RBFOX1: variants seen among roughly 807,000 people sequenced by gnomAD.
RBFOX1 encodes RNA binding protein fox-1 homolog 1.
In RBFOX1, 8 loss-of-function variants were observed where a neutral mutation model predicts 57.7. The observed-to-expected ratio is 0.14, with a 90% CI of 0.08 to 0.25. The LOEUF (loss-of-function observed/expected upper bound fraction) is 0.25, where lower values mean the gene tolerates loss of function less well. Ranked by LOEUF, RBFOX1 falls within the 10% of genes least tolerant of loss-of-function variation. RBFOX1 has a pLI of 1.00. For missense variants in RBFOX1, 611 were observed against 548.5 expected, an observed-to-expected ratio of 1.11 and a Z score of -1.14; for synonymous variants, 326 against 222.4, an observed-to-expected ratio of 1.47 and a Z score of -4.15.
chr16:6,786,892 C>G (rs919956976), intron 3 of RBFOX1, among the ~76,000 whole-genome samples: 2 of 117,176 alleles, frequency 1.7e-5, no homozygotes, highest in African/African-American at 7.6e-5. Context: ...GCTTAGCCGG[C>G]AGGCTTTTTT....
intron 5 of RBFOX1, among the ~76,000 whole-genome samples, chr16:7,571,119 G>A (rs1028630137): frequency 2.0e-5 from 3 of 152,138 alleles, no homozygotes; most frequent in Admixed American, 6.5e-5. Context: ...TAATGCATGC[G>A]GGGCTTATTA....
chr16:6,754,905 C>G (rs2075544734), intron 3 of RBFOX1, among the ~76,000 whole-genome samples: 1 of 151,698 alleles, frequency 6.6e-6, no homozygotes, highest in African/African-American at 2.4e-5. Flanking sequence ...CTTGCTGTGT[C>G]CATGTGTTCT....
At chr16:5,649,395 C>A (rs1480078872) in intron 3 of RBFOX1, among the ~76,000 whole-genome samples, 1 of 152,120 alleles carries the variant, frequency 6.6e-6, no homozygotes, top group Non-Finnish European at 1.5e-5. Flanking sequence ...GTCTTGAACT[C>A]CTGACCTCAG....
chr16:7,181,168 G>A (rs973540181), intron 4 of RBFOX1, among the ~76,000 whole-genome samples: 17 of 152,062 alleles, frequency 1.1e-4, no homozygotes, highest in African/African-American at 3.1e-4. Flanking sequence ...ACGGCCTTGT[G>A]GTTCAAAGAC....
chr16:7,374,788 C>T (rs759667425), intron 4 of RBFOX1, among the ~76,000 whole-genome samples: 6 of 152,180 alleles, frequency 3.9e-5, no homozygotes, highest in Non-Finnish European at 7.3e-5. Flanking sequence ...TCCTGGCAAC[C>T]TAGAGTTACC....
chr16:6,248,822 A>G (rs1023211274), intron 1 of RBFOX1, among the ~76,000 whole-genome samples: 2 of 152,154 alleles, frequency 1.3e-5, no homozygotes, highest in African/African-American at 4.8e-5. Context: ...CCATAGCCAC[A>G]TGCATTAGCT....
chr16:6,561,736 G>C (rs2097181827), intron 2 of RBFOX1, among the ~76,000 whole-genome samples: 1 of 152,118 alleles, frequency 6.6e-6, no homozygotes, highest in Admixed American at 6.5e-5. Context: ...TTTAAATACT[G>C]TAATTTAATT....
intron 4 of RBFOX1, among the ~76,000 whole-genome samples, chr16:7,270,734 C>T (rs1440870797): frequency 6.6e-6 from 1 of 152,204 alleles, no homozygotes; most frequent in Non-Finnish European, 1.5e-5. Context: ...TAATTGACTG[C>T]ATCTGATTAA....
chr16:7,083,337 A>G (rs116890169), intron 4 of RBFOX1, among the ~76,000 whole-genome samples: 7 of 151,880 alleles, frequency 4.6e-5, no homozygotes, highest in Admixed American at 4.6e-4. Flanking sequence ...GGCGAATCTC[A>G]TTCCTTGCAG....
intron 1 of RBFOX1, among the ~76,000 whole-genome samples, chr16:5,372,918 C>G (rs12932645): frequency 1.4e-3 from 210 of 152,298 alleles, no homozygotes; most frequent in African/African-American, 4.7e-3. Flanking sequence ...TTCTCTTGGT[C>G]TTCTGAAGAC....
chr16:7,550,922 C>T (rs2086203783), intron 5 of RBFOX1, among the ~76,000 whole-genome samples: 2 of 151,736 alleles, frequency 1.3e-5, no homozygotes, highest in East Asian at 3.9e-4. Flanking sequence ...GGTGAAACCC[C>T]AGTTCTACTA....
At chr16:6,855,017 G>T (rs1159945167) in intron 3 of RBFOX1, among the ~76,000 whole-genome samples, 1 of 151,954 alleles carries the variant, frequency 6.6e-6, no homozygotes, top group African/African-American at 2.4e-5. Flanking sequence ...GCCACCTAAG[G>T]ACAATGTTTC....
intron 2 of RBFOX1, among the ~76,000 whole-genome samples, chr16:6,516,038 C>G (rs191642580): frequency 6.6e-6 from 1 of 152,014 alleles, no homozygotes; most frequent in Non-Finnish European, 1.5e-5. Context: ...GAGTCTTGCT[C>G]TGTATCCCAG....
At chr16:5,515,376 A>G (rs74004361) in intron 2 of RBFOX1, among the ~76,000 whole-genome samples, 1 of 152,226 alleles carries the variant, frequency 6.6e-6, no homozygotes, top group African/African-American at 2.4e-5. Flanking sequence ...TGGATCAAGT[A>G]CAGGAAAGGA....
intron 1 of RBFOX1, among the ~76,000 whole-genome samples, chr16:6,117,371 C>T (rs1159582448): frequency 6.6e-6 from 1 of 152,202 alleles, no homozygotes; most frequent in Admixed American, 6.5e-5. Flanking sequence ...TTCAAATGAT[C>T]AGAACTAATA....
intron 5 of RBFOX1, among the ~76,000 whole-genome samples, chr16:7,528,601 C>G (rs2079236558): frequency 6.6e-6 from 1 of 152,140 alleles, no homozygotes; most frequent in Non-Finnish European, 1.5e-5. Flanking sequence ...GCCTCAATAG[C>G]AGGGTACTGA....
At chr16:7,586,333 A>C (rs947299347) in intron 6 of RBFOX1, among the ~76,000 whole-genome samples, 2 of 152,222 alleles carry the variant, frequency 1.3e-5, no homozygotes, top group Non-Finnish European at 2.9e-5. Flanking sequence ...AAAGGATTTC[A>C]GATGATCCGA....
intron 10 of RBFOX1, among the ~76,000 whole-genome samples, chr16:7,613,833 C>G (rs2057980535): frequency 6.6e-6 from 1 of 152,142 alleles, no homozygotes; most frequent in Non-Finnish European, 1.5e-5. Flanking sequence ...ACAATAGCAT[C>G]TGAGAAAAGT....
At chr16:7,012,158 C>G (rs1468049062) in intron 3 of RBFOX1, among the ~76,000 whole-genome samples, 1 of 152,158 alleles carries the variant, frequency 6.6e-6, no homozygotes, top group South Asian at 2.1e-4. Flanking sequence ...AGACTATGAT[C>G]ACTATCATTT....
Sources: gnomAD v4.1 joint callset for allele counts (sites outside exome capture counted in the v4.1 genomes callset) on GRCh38, gnomAD v4.1.1 for gene constraint, MANE v1.5 for transcripts, NCBI Gene and HGNC (gene_info 2026-07-23, HGNC 2026-07-21) for gene names.